The following WDR62 variants were observed in gnomAD, a reference collection of about 807,000 sequenced individuals.
WDR62 encodes the protein WD repeat domain 62.
In WDR62, 112 loss-of-function variants were observed where a neutral mutation model predicts 160.6. The ratio of observed to expected loss-of-function variants is 0.70; its 90% CI spans 0.60 to 0.82. WDR62 has a LOEUF of 0.82. Among genes scored for constraint, WDR62 ranks in the 40% least tolerant of loss-of-function variants. The probability of loss-of-function intolerance (pLI) is 0.00; values close to 1 mark genes in which losing one functional copy is unlikely to be tolerated. For missense variants in WDR62, 1,819 were observed against 1,983.8 expected (o/e 0.92, Z 1.58); for synonymous variants, 792 against 815.1 (o/e 0.97, Z 0.48).
At chr19:36,104,084 C>T in intron 30 of WDR62, 103 bp downstream of exon 30, 3 of 1,412,340 alleles carry the variant, frequency 2.1e-6, no homozygotes, top group Non-Finnish European at 2.9e-6. Context: ...GGGACTGTGC[C>T]ATTCATTCAT....
chr19:36,062,107 C>T (rs951633814), intron 3 of WDR62: 2 of 152,046 alleles, frequency 1.3e-5, no homozygotes, highest in African/African-American at 4.8e-5. Flanking sequence ...CCACCATGCC[C>T]AGCTAGTTTT....
intron 11 of WDR62, 97 bp downstream of exon 11, chr19:36,083,338 G>C (rs1972015342): frequency 1.6e-6 from 2 of 1,256,254 alleles, no homozygotes; most frequent in African/African-American, 3.0e-5. Flanking sequence ...ACCTCCTGCT[G>C]CCCATTGGGA....
chr19:36,086,158 G>A (rs934640278), intron 12 of WDR62, among the ~76,000 whole-genome samples: 2 of 151,924 alleles, frequency 1.3e-5, no homozygotes, highest in Non-Finnish European at 2.9e-5. Flanking sequence ...ATCTTCACTC[G>A]GTTCGCCTCT....
intron 1 of WDR62, among the ~76,000 whole-genome samples, chr19:36,058,281 G>A (rs1970467350): frequency 6.6e-6 from 1 of 152,176 alleles, no homozygotes; most frequent in African/African-American, 2.4e-5. Flanking sequence ...GAACCTGGAA[G>A]GCGGAGGTTG....
Position 36,092,785 on chromosome 19 carries a change from T to C in WDR62, c.2307T>C (p.Asn769=). 3.7e-6 allele frequency: 6 copies of C among 1,613,962 alleles called. No individual in the cohort carries two copies. Among genetic ancestry groups the C allele is most frequent in the Non-Finnish European group, 5.1e-6 (6 of 1,179,958 alleles). The change falls in exon 19 of 32, where the codon AAT becomes AAC. Residue 769 remains asparagine, a synonymous_variant. Transcript: ENST00000401500. ...IDHRQQQQHT[N]DKKRSGHPRQ... ...ACCGGCAGCAGCAGCAGCACACAAA[T>C]GACAAGAAGCGGAGTGGCCACCCCA... is the stretch of plus-strand genomic sequence containing the variant.
intron 7 of WDR62, among the ~76,000 whole-genome samples, chr19:36,069,863 C>T (rs796970481): frequency 1.3e-5 from 2 of 152,110 alleles, no homozygotes; most frequent in Admixed American, 6.5e-5. Context: ...TCAGGCGTGG[C>T]GGCGCGCGCC....
Position 36,078,976 on chromosome 19 carries a change from G to A in WDR62, c.1234-2457G>A, listed in dbSNP as rs114592934. Among the ~76,000 whole-genome samples the A allele has an allele frequency of 2.3e-5, 3 of 132,620 alleles. No individual in the cohort carries two copies. The East Asian group carries it at 6.5e-4, about 29-fold the overall frequency. The allele number at this position is 132,620 out of a possible 152,430, so 87.0% of individuals were successfully genotyped here. On this transcript the variant is annotated intron_variant, in intron 9 of 31. Coordinates refer to ENST00000401500, the MANE Select transcript of WDR62 (RefSeq NM_001083961.2). ...GTCCTTTCCTGTTGTTCATTTTTATGTGATACCAGTTTTTCTGAAATTTTA... is the reference window on the plus strand; with the variant it reads ...GTCCTTTCCTGTTGTTCATTTTTATATGATACCAGTTTTTCTGAAATTTTA...
chr19:36,085,371 C>T (rs941638535), intron 12 of WDR62, among the ~76,000 whole-genome samples: 2 of 145,110 alleles, frequency 1.4e-5, no homozygotes, highest in Non-Finnish European at 3.0e-5. Flanking sequence ...CCGCCTTGGC[C>T]TCCCAAAGCG....
chr19:36,071,467 G>T (rs1971293748), intron 7 of WDR62, 89 bp from the exon 8 acceptor site: 5 of 1,488,502 alleles, frequency 3.4e-6, no homozygotes, highest in Non-Finnish European at 3.8e-6. Context: ...GTCTTCTCTG[G>T]AGGCCTAAGG....
At chr19:36,059,031 C>G in intron 2 of WDR62, 160 bp downstream of exon 2, 1 of 728,218 alleles carries the variant, frequency 1.4e-6, no homozygotes, top group South Asian at 1.5e-5. Flanking sequence ...CCATAGCCCC[C>G]TCTCTGTCTA....
At chr19:36,068,978 G>C (rs1234125933) in intron 7 of WDR62, among the ~76,000 whole-genome samples, 1 of 151,532 alleles carries the variant, frequency 6.6e-6, no homozygotes, top group Non-Finnish European at 1.5e-5. Context: ...GCGGCAGGGC[G>C]GAGGCGGACC....
Position 36,081,432 on chromosome 19 carries a change from G to C in WDR62, c.1234-1G>C. The C allele has an allele frequency of 6.2e-7, 1 of 1,614,044 alleles. No homozygotes were observed. Among genetic ancestry groups the C allele is most frequent in the Non-Finnish European group, 8.5e-7 (1 of 1,180,004 alleles). On this transcript the variant is annotated splice_acceptor_variant, in intron 9 of 31. Transcript: ENST00000401500. LOFTEE classifies it high-confidence loss of function. ...TTTGCCTTGTCCTCTGGGAACTGTAGGTGTATCCTGAGTTTGAAGACCAGA... is the reference window on the plus strand; with the variant it reads ...TTTGCCTTGTCCTCTGGGAACTGTACGTGTATCCTGAGTTTGAAGACCAGA...
chr19:36,081,597 T>C (rs1301664157), intron 10 of WDR62, 27 bp downstream of exon 10: 2 of 1,614,172 alleles, frequency 1.2e-6, no homozygotes, highest in South Asian at 1.1e-5. Context: ...GTGAACCATC[T>C]TTCAGGAGGA....
rs763647512 is a variant in WDR62, at chr19:36,100,872, A to G, written c.2864A>G (p.Asp955Gly). The G allele has an allele frequency of 9.3e-6, 15 of 1,614,078 alleles. No individual in the cohort carries two copies. The highest frequency in any genetic ancestry group is 1.2e-5 in the Non-Finnish European group (14 of 1,180,024). Residue 955 changes from aspartate to glycine, a missense_variant, in exon 23 of 32, where the codon GAC becomes GGC. Asp to Gly is a moderately conservative substitution (Grantham distance 94). Coordinates refer to ENST00000401500, the MANE Select transcript of WDR62 (RefSeq NM_001083961.2). ...GCAGAAGTGACAGTCACAGGGACAG[A>G]CAGGTGGGTGTCCTTTCCACCAAGG... ...LEAEVTVTGT[D>G]SQYCRKEVEA...
At chr19:36,069,319 C>G (rs555128220) in intron 7 of WDR62, among the ~76,000 whole-genome samples, 25 of 151,556 alleles carry the variant, frequency 1.6e-4, no homozygotes, top group Admixed American at 1.3e-4. Context: ...TCAGATGGGA[C>G]GGCCAGGCAG....
intron 22 of WDR62, 137 bp downstream of exon 22, chr19:36,099,754 A>G: frequency 1.1e-6 from 1 of 885,330 alleles, no homozygotes; most frequent in Non-Finnish European, 1.8e-6. Context: ...GGTGAGCCCC[A>G]GGTCTGTTGC....
intron 2 of WDR62, 119 bp from the exon 3 acceptor site, chr19:36,059,840 GGGAGGAGGA>G: frequency 2.2e-6 from 2 of 913,756 alleles, no homozygotes; most frequent in Non-Finnish European, 3.7e-6. Flanking sequence ...CTGGAGGAGG[GGGAGGAGGA>G]GGAGACCAGA....
intron 10 of WDR62, chr19:36,082,057 G>C (rs1446403047): frequency 2.8e-6 from 1 of 357,736 alleles, no homozygotes; most frequent in African/African-American, 2.1e-5. Context: ...CGTCTCTGGG[G>C]AGCTGAGACC....
intron 1 of WDR62, among the ~76,000 whole-genome samples, chr19:36,057,939 C>T (rs559999863): frequency 6.6e-6 from 1 of 152,286 alleles, no homozygotes; most frequent in South Asian, 2.1e-4. Flanking sequence ...GTTTGTATAT[C>T]AACATTGCCA....
Sources: allele counts gnomAD v4.1 joint callset (sites outside exome capture counted in the v4.1 genomes callset), GRCh38; gene constraint gnomAD v4.1.1; transcripts MANE v1.5; gene names NCBI Gene and HGNC (gene_info 2026-07-23, HGNC 2026-07-21).